Variants in NBEA observed in about 807,000 individuals in gnomAD.
NBEA encodes lysosomal-trafficking regulator 2.
Under a neutral mutation model 343.4 loss-of-function variants are expected in NBEA, and 44 were observed. The ratio of observed to expected loss-of-function variants is 0.13; its 90% CI spans 0.10 to 0.16. The LOEUF (loss-of-function observed/expected upper bound fraction) is 0.16, where lower values mean the gene tolerates loss of function less well. Ranked by LOEUF, NBEA falls within the 10% of genes least tolerant of loss-of-function variation. The pLI is 1.00. For missense variants in NBEA, 2,555 were observed against 3,631.3 expected (o/e 0.70, Z 7.62); for synonymous variants, 1,175 against 1,238.7 (o/e 0.95, Z 1.08).
At chr13:35,257,490 T>C (rs1415799121) in intron 34 of NBEA, among the ~76,000 whole-genome samples, 1 of 152,226 alleles carries the variant, frequency 6.6e-6, no homozygotes, top group Non-Finnish European at 1.5e-5. Flanking sequence ...AAATGACTAC[T>C]ATGGTTATGT....
intron 41 of NBEA, among the ~76,000 whole-genome samples, chr13:35,527,202 G>T (rs1383213941): frequency 6.6e-6 from 1 of 152,110 alleles, no homozygotes; most frequent in Non-Finnish European, 1.5e-5. Flanking sequence ...GGCTCAGACG[G>T]GAGGAAGTAC....
At chr13:34,952,757 G>C (rs944957559) in intron 1 of NBEA, among the ~76,000 whole-genome samples, 12 of 152,004 alleles carry the variant, frequency 7.9e-5, no homozygotes, top group Admixed American at 5.2e-4. Context: ...TTTCTCTTTA[G>C]CAAATACTTT....
At chr13:35,537,492 T>G (rs1342283428) in intron 41 of NBEA, among the ~76,000 whole-genome samples, 2 of 152,012 alleles carry the variant, frequency 1.3e-5, no homozygotes, top group African/African-American at 4.8e-5. Context: ...AAGCTTATAG[T>G]CTAGTGGAGG....
At chr13:35,129,573 C>A (rs925033480) in intron 17 of NBEA, among the ~76,000 whole-genome samples, 15 of 151,850 alleles carry the variant, frequency 9.9e-5, no homozygotes, top group African/African-American at 3.6e-4. Flanking sequence ...GAAGAAATTA[C>A]CTAGAAATCA....
intron 17 of NBEA, among the ~76,000 whole-genome samples, chr13:35,135,457 A>G (rs552373981): frequency 6.6e-6 from 1 of 152,186 alleles, no homozygotes; most frequent in Non-Finnish European, 1.5e-5. Flanking sequence ...ACCATTAAAA[A>G]TTAAAAATAC....
At chr13:35,318,007 C>A (rs937572949) in intron 36 of NBEA, among the ~76,000 whole-genome samples, 1 of 152,226 alleles carries the variant, frequency 6.6e-6, no homozygotes, top group East Asian at 1.9e-4. Context: ...GGGGCTGAGA[C>A]GATGGAGTTT....
chr13:35,383,954 A>C (rs558324394), intron 38 of NBEA, among the ~76,000 whole-genome samples: 11 of 152,200 alleles, frequency 7.2e-5, no homozygotes, highest in African/African-American at 2.6e-4. Context: ...AGCCAAGCAG[A>C]TAGGTATTGG....
At chr13:35,010,716 TG>T (rs199728529) in intron 1 of NBEA, among the ~76,000 whole-genome samples, 33,521 of 99,650 alleles carry the variant, frequency 0.34, 6,145 homozygotes, top group Middle Eastern at 0.54. Context: ...ATAGCAAGAC[TG>T]GGTCTCTACA....
At position 34,968,748 on chromosome 13, in the gene NBEA, A is replaced by G. The variant is rs1475145366; in HGVS notation, c.294+25634A>G. On this transcript the variant is annotated intron_variant, in intron 1 of 58. Transcript: ENST00000379939. ...TTATTTTAAACTTTTTGCTGATATG[A>G]TACTATTTTATAGAATTTTTAAAAT... 3.3e-5 allele frequency among the ~76,000 whole-genome samples: 5 copies of G among 152,106 alleles called. 1 individual carries two copies. In the East Asian group the frequency reaches 9.6e-4, roughly 29 times the overall value.
chr13:35,008,669 G>A (rs958535852), intron 1 of NBEA, among the ~76,000 whole-genome samples: 3 of 152,004 alleles, frequency 2.0e-5, no homozygotes, highest in African/African-American at 7.2e-5. Flanking sequence ...ACATTAAAAA[G>A]AAACCCCTCA....
At chr13:35,372,225 C>A (rs751516658) in intron 38 of NBEA, among the ~76,000 whole-genome samples, 1 of 152,170 alleles carries the variant, frequency 6.6e-6, no homozygotes, top group African/African-American at 2.4e-5. Context: ...GACAACCCTC[C>A]GGCTCCCAAG....
chr13:35,203,326 G>A (rs1299074244), intron 31 of NBEA, among the ~76,000 whole-genome samples: 1 of 152,070 alleles, frequency 6.6e-6, no homozygotes, highest in Non-Finnish European at 1.5e-5. Context: ...ACCTCTGCCT[G>A]TGATGCTCTT....
intron 36 of NBEA, among the ~76,000 whole-genome samples, chr13:35,345,914 T>A (rs966354061): frequency 8.5e-5 from 13 of 152,092 alleles, no homozygotes; most frequent in African/African-American, 2.2e-4. Context: ...CAAAGAATTG[T>A]GAGCTGCTGT....
At chr13:35,182,611 C>T in intron 29 of NBEA, 83 bp downstream of exon 29, 1 of 1,267,886 alleles carries the variant, frequency 7.9e-7, no homozygotes, top group East Asian at 2.6e-5. Flanking sequence ...TTAAACTGGA[C>T]CTCTTCATAA....
At chr13:35,137,997 A>G (rs1275348172) in intron 17 of NBEA, among the ~76,000 whole-genome samples, 1 of 152,126 alleles carries the variant, frequency 6.6e-6, no homozygotes, top group African/African-American at 2.4e-5. Flanking sequence ...ACAAAGGAAT[A>G]ATTTTCCTGA....
At position 35,541,725 on chromosome 13, in the gene NBEA, GGTGTGT is replaced by G. The variant is rs3075505; in HGVS notation, c.6586-8721_6586-8716del. ...AAGATTAGAACCAGAGGTCTGCATG[GGTGTGT>G]GTGTGTGTGTGTGTGTGTGTGTGTG... On this transcript the variant is annotated intron_variant, in intron 41 of 58. Transcript: ENST00000379939. 7.2e-3 allele frequency among the ~76,000 whole-genome samples: 1,047 copies of G among 145,184 alleles called. 4 individuals are homozygous for G. Among genetic ancestry groups the G allele is most frequent in the Middle Eastern group, 0.014 (4 of 280 alleles).
intron 43 of NBEA, 97 bp from the exon 44 acceptor site, chr13:35,554,890 T>C: frequency 1.9e-6 from 1 of 515,604 alleles, no homozygotes. Flanking sequence ...ATAAATTATT[T>C]TAAGTTGATT....
At chr13:34,997,151 C>T (rs1349762304) in intron 1 of NBEA, among the ~76,000 whole-genome samples, 1 of 152,036 alleles carries the variant, frequency 6.6e-6, no homozygotes, top group Admixed American at 6.6e-5. Flanking sequence ...CTTTGTTTTC[C>T]AGTGAGATAA....
chr13:35,067,761 A>G (rs889648511), intron 8 of NBEA, among the ~76,000 whole-genome samples: 5 of 152,090 alleles, frequency 3.3e-5, no homozygotes, highest in East Asian at 1.9e-4. Context: ...TTAAGACTCA[A>G]GGTCTCACTC....
Sources: gnomAD v4.1 joint callset for allele counts (sites outside exome capture counted in the v4.1 genomes callset) on GRCh38, gnomAD v4.1.1 for gene constraint, MANE v1.5 for transcripts, NCBI Gene and HGNC (gene_info 2026-07-23, HGNC 2026-07-21) for gene names.